Variants in XXYLT1 observed in about 807,000 individuals in gnomAD.
XXYLT1 encodes the protein xyloside xylosyltransferase 1.
A neutral mutation model predicts 28.9 loss-of-function variants in XXYLT1; 20 were observed. The observed-to-expected ratio is 0.69, with a 90% CI of 0.49 to 1.00. The LOEUF (loss-of-function observed/expected upper bound fraction) is 1.00, where lower values mean the gene tolerates loss of function less well. Among genes scored for constraint, XXYLT1 ranks in the 50% least tolerant of loss-of-function variants. The probability of loss-of-function intolerance (pLI) is 0.00; values close to 1 mark genes in which losing one functional copy is unlikely to be tolerated. For synonymous variants in XXYLT1, 257 were observed against 253.8 expected, an observed-to-expected ratio of 1.01 and a Z score of -0.12; for missense variants, 542 against 560.1, an observed-to-expected ratio of 0.97 and a Z score of 0.33.
chr3:195,132,980 G>A lies in XXYLT1; in HGVS notation c.785+23469C>T, dbSNP rs1366252543. Among the ~76,000 whole-genome samples the A allele has an allele frequency of 3.9e-5, 6 of 152,176 alleles. No homozygotes were observed. The East Asian group carries it at 1.2e-3, about 29-fold the overall frequency. On this transcript the variant is annotated intron_variant, in intron 3 of 3. Coordinates refer to ENST00000310380, the MANE Select transcript of XXYLT1 (RefSeq NM_152531.5). ...ATGGACTAGATTTTCTGGTTAACAA[G>A]GGCAGAAGTAACTACATTCTGTAAA...
intron 1 of XXYLT1, among the ~76,000 whole-genome samples, chr3:195,244,266 T>A (rs1724907786): frequency 6.6e-6 from 1 of 152,174 alleles, no homozygotes; most frequent in Non-Finnish European, 1.5e-5. Context: ...AAACGTCACA[T>A]GTCAACAGGA....
At chr3:195,170,566 C>T (rs1451800125) in intron 2 of XXYLT1, among the ~76,000 whole-genome samples, 1 of 152,234 alleles carries the variant, frequency 6.6e-6, no homozygotes. Flanking sequence ...TTCATCTCAC[C>T]TGGCTTCGTT....
chr3:195,091,016 G>A (rs915866710), intron 3 of XXYLT1, among the ~76,000 whole-genome samples: 1 of 151,218 alleles, frequency 6.6e-6, no homozygotes, highest in Non-Finnish European at 1.5e-5. Context: ...AACAGGAGCT[G>A]AAATTGTGGC....
chr3:195,097,864 C>T lies in XXYLT1; in HGVS notation c.786-27753G>A, dbSNP rs112086085. On this transcript the variant is annotated intron_variant, in intron 3 of 3. Coordinates refer to ENST00000310380, the MANE Select transcript of XXYLT1 (RefSeq NM_152531.5). Reference sequence around the variant, plus strand: ...AAGAAGTCAGGCTGGGCAGGAAAGACGCTTCAAACCAAATGTCTGGACAAA... The same window carrying T: ...AAGAAGTCAGGCTGGGCAGGAAAGATGCTTCAAACCAAATGTCTGGACAAA... Among the ~76,000 whole-genome samples the T allele has an allele frequency of 2.7e-3, 406 of 151,094 alleles. 1 individual carries two copies. Among genetic ancestry groups the T allele is most frequent in the African/African-American group, 9.3e-3 (386 of 41,350 alleles).
chr3:195,117,505 G>A (rs1209189468), intron 3 of XXYLT1, among the ~76,000 whole-genome samples: 6 of 152,180 alleles, frequency 3.9e-5, no homozygotes, highest in African/African-American at 1.4e-4. Flanking sequence ...ATGTATCTAT[G>A]TGTTGATGTG....
Position 195,129,959 on chromosome 3 carries a change from C to T in XXYLT1, c.785+26490G>A, listed in dbSNP as rs965631236. Among the ~76,000 whole-genome samples the T allele has an allele frequency of 2.6e-5, 4 of 152,196 alleles. No individual in the cohort carries two copies. Among genetic ancestry groups the T allele is most frequent in the African/African-American group, 9.6e-5 (4 of 41,456 alleles). On this transcript the variant is annotated intron_variant, in intron 3 of 3. Transcript: ENST00000310380. The surrounding 1 kb of genome is among the most constrained non-coding windows in gnomAD (Gnocchi z 4.4). ...AGTGCGGGTTCCCATGCCTCCAACTCCTCACCAGCACCTGTTATTGTCCTG... is the reference window on the plus strand; with the variant it reads ...AGTGCGGGTTCCCATGCCTCCAACTTCTCACCAGCACCTGTTATTGTCCTG...
chr3:195,242,354 G>A (rs1304371916), intron 1 of XXYLT1, among the ~76,000 whole-genome samples: 2 of 152,070 alleles, frequency 1.3e-5, no homozygotes, highest in African/African-American at 2.4e-5. Context: ...CAGAAGACCC[G>A]GGCTACAATC....
At chr3:195,088,896 C>A (rs1457750780) in intron 3 of XXYLT1, among the ~76,000 whole-genome samples, 1 of 149,436 alleles carries the variant, frequency 6.7e-6, no homozygotes, top group Admixed American at 6.7e-5. Context: ...CCTCAGGAGC[C>A]GATGCAATCA....
At chr3:195,252,908 G>T (rs560097012) in intron 1 of XXYLT1, among the ~76,000 whole-genome samples, 5 of 152,116 alleles carry the variant, frequency 3.3e-5, no homozygotes, top group Admixed American at 6.5e-5. Flanking sequence ...TATGGCATAC[G>T]CCACCGCAGG....
intron 3 of XXYLT1, among the ~76,000 whole-genome samples, chr3:195,089,482 A>AT (rs1400698489): frequency 1.3e-5 from 2 of 152,132 alleles, no homozygotes; most frequent in Non-Finnish European, 2.9e-5. Context: ...ATGCTGAGAG[A>AT]TTTTGTCACC....
At chr3:195,103,676 T>C (rs928973219) in intron 3 of XXYLT1, among the ~76,000 whole-genome samples, 6 of 152,250 alleles carry the variant, frequency 3.9e-5, no homozygotes, top group Admixed American at 2.6e-4. Context: ...GTGAGACCTT[T>C]AGAATCCATC....
chr3:195,143,796 A>ATATATATC (rs1719622280), intron 3 of XXYLT1, among the ~76,000 whole-genome samples: 1 of 109,764 alleles, frequency 9.1e-6, no homozygotes, highest in Admixed American at 9.9e-5. Context: ...ATATATATAT[A>ATATATATC]TATAGATAGA....
intron 3 of XXYLT1, among the ~76,000 whole-genome samples, chr3:195,149,658 C>A (rs1720081369): frequency 6.6e-6 from 1 of 152,230 alleles, no homozygotes; most frequent in Non-Finnish European, 1.5e-5. Flanking sequence ...GTCCCTCCCC[C>A]CATCTTTGAT....
At chr3:195,072,370 A>G in intron 3 of XXYLT1, among the ~76,000 whole-genome samples, 1 of 152,186 alleles carries the variant, frequency 6.6e-6, no homozygotes. Flanking sequence ...GAGGCCGCCC[A>G]CTGTTCCAGG....
intron 1 of XXYLT1, among the ~76,000 whole-genome samples, chr3:195,237,142 C>T (rs1355868074): frequency 6.6e-6 from 1 of 152,108 alleles, no homozygotes; most frequent in African/African-American, 2.4e-5. Context: ...GGCTCTGAGC[C>T]CAGCACAGCA....
chr3:195,261,682 T>G (rs570066118), intron 1 of XXYLT1, among the ~76,000 whole-genome samples: 2 of 152,284 alleles, frequency 1.3e-5, no homozygotes, highest in Admixed American at 6.5e-5. Flanking sequence ...AACTGTTTTT[T>G]GGGGTTTTTT....
intron 2 of XXYLT1, among the ~76,000 whole-genome samples, chr3:195,179,482 G>A (rs1039048536): frequency 6.6e-6 from 1 of 152,076 alleles, no homozygotes; most frequent in African/African-American, 2.4e-5. Context: ...GACCAGAAAA[G>A]GATATGGAAG....
At chr3:195,084,291 G>A (rs1433439761) in intron 3 of XXYLT1, among the ~76,000 whole-genome samples, 1 of 152,178 alleles carries the variant, frequency 6.6e-6, no homozygotes, top group Non-Finnish European at 1.5e-5. Flanking sequence ...AGGATGGGAA[G>A]ATGGCAGGGA....
intron 1 of XXYLT1, among the ~76,000 whole-genome samples, chr3:195,265,685 G>A (rs1359356526): frequency 6.6e-6 from 1 of 152,192 alleles, no homozygotes; most frequent in African/African-American, 2.4e-5. Flanking sequence ...GATGAGACTG[G>A]ACCCGAAACA....
Sources: allele counts gnomAD v4.1 joint callset (sites outside exome capture counted in the v4.1 genomes callset), GRCh38; gene constraint gnomAD v4.1.1; non-coding constraint Gnocchi (gnomAD v3.1); transcripts MANE v1.5; gene names NCBI Gene and HGNC (gene_info 2026-07-23, HGNC 2026-07-21).